DENND1C: variants seen among roughly 807,000 people sequenced by gnomAD.
DENND1C encodes DENN domain-containing protein 1C.
DENND1C carries 64 observed loss-of-function variants against 87.9 expected under a neutral mutation model. That is an observed-to-expected ratio of 0.73 (90% confidence interval 0.60 to 0.90). DENND1C has a LOEUF of 0.90. Ranked by LOEUF, DENND1C falls within the 40% of genes least tolerant of loss-of-function variation. The probability of loss-of-function intolerance (pLI) is 0.00; values close to 1 mark genes in which losing one functional copy is unlikely to be tolerated. For missense variants in DENND1C, 980 were observed against 1,037.0 expected (o/e 0.95, Z 0.76); for synonymous variants, 384 against 424.4 (o/e 0.90, Z 1.17).
At chr19:6,470,625 T>TG (rs1359085972) in intron 17 of DENND1C, among the ~76,000 whole-genome samples, 5 of 145,942 alleles carry the variant, frequency 3.4e-5, no homozygotes, top group African/African-American at 1.0e-4. Flanking sequence ...TTTTTGTTTT[T>TG]TTTTTTTTTT....
At chr19:6,468,489 CT>C in intron 21 of DENND1C, 48 bp from the exon 22 acceptor site, 1 of 1,577,698 alleles carries the variant, frequency 6.3e-7, no homozygotes, top group East Asian at 2.3e-5. Context: ...ACCCCCAGCC[CT>C]GGTCAGGCTG....
intron 6 of DENND1C, chr19:6,477,661 C>G (rs964130528): frequency 1.1e-5 from 2 of 183,542 alleles, no homozygotes; most frequent in African/African-American, 4.9e-5. Flanking sequence ...GTTGCCCAGG[C>G]TGGTCTTGAA....
chr19:6,472,414 G>T (rs908970830), intron 15 of DENND1C, among the ~76,000 whole-genome samples: 1 of 152,004 alleles, frequency 6.6e-6, no homozygotes, highest in African/African-American at 2.4e-5. Flanking sequence ...TGTTTGAGAC[G>T]GAGTCTCGCT....
chr19:6,481,463 T>TGG (rs4028329), intron 1 of DENND1C, among the ~76,000 whole-genome samples: 1 of 147,894 alleles, frequency 6.8e-6, no homozygotes, highest in Non-Finnish European at 1.5e-5. Context: ...AGGAGCTGGA[T>TGG]AGAGAGAGAG....
At chr19:6,476,161 T>C (rs145864453) in intron 10 of DENND1C, 460 of 532,602 alleles carry the variant, frequency 8.6e-4, no homozygotes, top group African/African-American at 7.6e-3. Context: ...TCCTGATCCC[T>C]CTCTGTAAGG....
Position 6,478,725 on chromosome 19 carries a change from A to G in DENND1C, c.366+58T>C. 3 of 1,540,348 alleles carry G rather than the reference A, an allele frequency of 1.9e-6. No homozygotes were observed. The South Asian group carries it at 3.6e-5, about 18-fold the overall frequency. ...GGAGATCTGAGAGGGAGGGGTTGGGAGGTTGAGGGGGGTGGGGGCTGGGAC... is the reference window on the plus strand; with the variant it reads ...GGAGATCTGAGAGGGAGGGGTTGGGGGGTTGAGGGGGGTGGGGGCTGGGAC... On this transcript the variant is annotated intron_variant, in intron 6 of 22. Transcript: ENST00000381480.
chr19:6,475,895 TG>T lies in DENND1C; in HGVS notation c.720del (p.Met241CysfsTer7). ...GGGATCAGCACGTGCTCCCAGCGCA[TG>T]GGGTACAGGAGCGCGCAGGACGCGT... is the stretch of plus-strand genomic sequence containing the variant. ...CVHASCALLYPMRWEHVLIPT... is the reference protein window; with the variant it reads ...CVHASCALLYXMRWEHVLIPT... On this transcript the variant is annotated frameshift_variant, in exon 11 of 23. Transcript: ENST00000381480. LOFTEE classifies it high-confidence loss of function. 6.4e-7 allele frequency: 1 copy of T among 1,567,210 alleles called. No individual in the cohort carries two copies. The highest frequency in any genetic ancestry group is 2.0e-5 in the Admixed American group (1 of 49,318).
At chr19:6,474,933 G>A (rs1431982650) in intron 14 of DENND1C, among the ~76,000 whole-genome samples, 2 of 152,026 alleles carry the variant, frequency 1.3e-5, no homozygotes, top group Admixed American at 1.3e-4. Context: ...GCTGGGCATG[G>A]TGGTGCGCAC....
chr19:6,480,267 G>A (rs1913456346), intron 1 of DENND1C: 2 of 1,435,500 alleles, frequency 1.4e-6, no homozygotes, highest in Non-Finnish European at 1.8e-6. Flanking sequence ...GTGAGAAAGT[G>A]TGACTGTGTG....
In DENND1C at chr19:6,481,723, C is replaced by A. The variant is rs780252193; in HGVS notation, c.-28G>T. ...TCCCTGCAGGGCCAGCCCAGCGGGG[C>A]CCTCTCCCCAGGGGTCCTGGGGGCC... is the stretch of plus-strand genomic sequence containing the variant. On this transcript the variant is annotated 5_prime_UTR_variant, in exon 1 of 23. Coordinates refer to ENST00000381480, the MANE Select transcript of DENND1C (RefSeq NM_024898.4). The A allele has an allele frequency of 6.4e-7, 1 of 1,558,974 alleles. No individual in the cohort carries two copies. The highest frequency in any genetic ancestry group is 2.4e-5 in the East Asian group (1 of 42,114).
chr19:6,471,736 G>A (rs1006071756), intron 15 of DENND1C, among the ~76,000 whole-genome samples: 3 of 152,208 alleles, frequency 2.0e-5, no homozygotes, highest in South Asian at 2.1e-4. Context: ...TCCGCTTCCC[G>A]GGTTTAAGTG....
chr19:6,477,505 A>G (rs1010103379), intron 6 of DENND1C, 47 bp from the exon 7 acceptor site: 1 of 1,570,144 alleles, frequency 6.4e-7, no homozygotes, highest in Non-Finnish European at 8.7e-7. Flanking sequence ...AGATGTGGGG[A>G]TTGGGGATTC....
chr19:6,468,018 G>C lies in DENND1C; in HGVS notation c.1892C>G (p.Ala631Gly). Residue 631 changes from alanine (A) to glycine (G), a missense_variant, in exon 23 of 23, where the codon GCC becomes GGC. By Grantham distance (60) the Ala-to-Gly change is moderately conservative. Transcript: ENST00000381480. Reference protein sequence around the residue: ...PSLQNASSLDATSSSKDSRSQ... With the variant: ...PSLQNASSLDGTSSSKDSRSQ... ...CCTGGAGTCCTTTGAAGAGCTGGTG[G>C]CATCCAAAGACGAGGCATTTTGCAG... is the stretch of plus-strand genomic sequence containing the variant. 1 of 1,613,928 alleles carries C rather than the reference G, an allele frequency of 6.2e-7. No individual in the cohort carries two copies.
At chr19:6,472,788 G>A in intron 15 of DENND1C, 101 bp downstream of exon 15, 2 of 966,294 alleles carry the variant, frequency 2.1e-6, no homozygotes. Context: ...ATACCCTCAG[G>A]GACCCAGGAG....
intron 4 of DENND1C, among the ~76,000 whole-genome samples, chr19:6,479,423 AGTCCCTGG>A (rs796285392): frequency 3.6e-5 from 5 of 140,392 alleles, no homozygotes; most frequent in Admixed American, 6.8e-5. Context: ...TGAGTCTCTG[AGTCCCTGG>A]GTCCCTGGGT....
chr19:6,473,750 C>T (rs936630360), intron 14 of DENND1C, among the ~76,000 whole-genome samples: 2 of 131,708 alleles, frequency 1.5e-5, no homozygotes, highest in South Asian at 2.5e-4. Flanking sequence ...GTCACCGACC[C>T]GGCTGATTTA....
chr19:6,468,038 T>G lies in DENND1C; in HGVS notation c.1872A>C (p.Gln624His), dbSNP rs779741176. Residue 624 changes from glutamine to histidine, a missense_variant, in exon 23 of 23, where the codon CAA (glutamine) becomes CAC (histidine). Gln to His is a conservative substitution (Grantham distance 24). Transcript: ENST00000381480. ...EPQPLSLPSL[Q>H]NASSLDATSS... is the part of the protein sequence containing the mutation. Reference sequence around the variant, plus strand: ...TGGTGGCATCCAAAGACGAGGCATTTTGCAGGGATGGCAGGGAAAGGGGCT... The same window carrying G: ...TGGTGGCATCCAAAGACGAGGCATTGTGCAGGGATGGCAGGGAAAGGGGCT... The G allele has an allele frequency of 1.2e-6, 2 of 1,613,826 alleles. No homozygotes were observed. The highest frequency in any genetic ancestry group is 3.3e-5 in the Admixed American group (2 of 59,996).
chr19:6,469,013 C>T, intron 19 of DENND1C, 60 bp from the exon 20 acceptor site: 1 of 1,029,728 alleles, frequency 9.7e-7, no homozygotes, highest in Non-Finnish European at 1.3e-6. Context: ...CACCCCCTAC[C>T]ATTGGTCTTT....
chr19:6,468,070 C>G lies in DENND1C; in HGVS notation c.1840G>C (p.Glu614Gln). 6.2e-7 allele frequency: 1 copy of G among 1,613,812 alleles called. No homozygotes were observed. Among genetic ancestry groups the G allele is most frequent in the South Asian group, 1.1e-5 (1 of 91,072 alleles). The change falls in exon 23 of 23, where the codon GAG becomes CAG. Residue 614 changes from glutamate (E) to glutamine (Q), a missense_variant. Glu to Gln is a conservative substitution (Grantham distance 29). Transcript: ENST00000381480. ...QPDDKKLPEPEPQPLSLPSLQ... is the reference protein window; with the variant it reads ...QPDDKKLPEPQPQPLSLPSLQ... ...GATGGCAGGGAAAGGGGCTGGGGCTCCGGCTCTGGTAGTTTCTTATCGTCT... is the reference window on the plus strand; with the variant it reads ...GATGGCAGGGAAAGGGGCTGGGGCTGCGGCTCTGGTAGTTTCTTATCGTCT...
Sources: allele counts gnomAD v4.1 joint callset (sites outside exome capture counted in the v4.1 genomes callset), GRCh38; gene constraint gnomAD v4.1.1; transcripts MANE v1.5; gene names NCBI Gene and HGNC (gene_info 2026-07-23, HGNC 2026-07-21).